The following GADL1 variants were observed in gnomAD, a reference collection of about 807,000 sequenced individuals.
The protein encoded by GADL1 is GAD like acidic amino acid decarboxylase 1.
In GADL1, 71 loss-of-function variants were observed where a neutral mutation model predicts 69.5. That is an observed-to-expected ratio of 1.02 (90% CI 0.84 to 1.25). GADL1 has a LOEUF of 1.25. Among genes scored for constraint, GADL1 ranks in the 50% most tolerant of loss-of-function variants. GADL1 has a pLI of 0.00. For synonymous variants in GADL1, 254 were observed against 214.4 expected (o/e 1.18, Z -1.62); for missense variants, 737 against 631.8 (o/e 1.17, Z -1.79).
At chr3:30,812,322 A>T (rs759721708) in intron 11 of GADL1, among the ~76,000 whole-genome samples, 1 of 152,248 alleles carries the variant, frequency 6.6e-6, no homozygotes, top group Non-Finnish European at 1.5e-5. Flanking sequence ...GTCTGTTTTC[A>T]TGCTGCTCAT....
chr3:30,755,714 A>AC (rs1375965016), intron 14 of GADL1, among the ~76,000 whole-genome samples: 2 of 148,014 alleles, frequency 1.4e-5, no homozygotes, highest in Non-Finnish European at 3.0e-5. Flanking sequence ...AGTGTCTGAC[A>AC]CATTGGAAAT....
chr3:30,789,872 C>CT (rs1334999967), intron 12 of GADL1, among the ~76,000 whole-genome samples: 8 of 152,156 alleles, frequency 5.3e-5, no homozygotes, highest in African/African-American at 1.7e-4. Flanking sequence ...TGGGCTTTGG[C>CT]TTAAGGCAAT....
At chr3:30,838,381 C>T (rs928770792) in intron 9 of GADL1, among the ~76,000 whole-genome samples, 1 of 152,110 alleles carries the variant, frequency 6.6e-6, no homozygotes, top group Non-Finnish European at 1.5e-5. Context: ...TGAATAACCG[C>T]AGGACTTACA....
In GADL1 at chr3:30,811,466, C is replaced by T. The variant is rs187999053; in HGVS notation, c.1051-10378G>A. On this transcript the variant is annotated intron_variant, in intron 11 of 14. Transcript: ENST00000282538. ...TCTCTTAGGACAGATGGAGATTTTT[C>T]GATTTTCCCTAGGCAACAATCCACA... 5.3e-5 allele frequency among the ~76,000 whole-genome samples: 8 copies of T among 152,160 alleles called. No individual in the cohort carries two copies. In the South Asian group the frequency reaches 6.2e-4, roughly 12 times the overall value.
rs1381096308 is a variant in GADL1 at position 30,762,867 on chromosome 3, C to CAAGGAAAAGAAAG, written c.1392+15311_1392+15312insCTTTCTTTTCCTT. On this transcript the variant is annotated intron_variant, in intron 14 of 14. Coordinates refer to ENST00000282538, the MANE Select transcript of GADL1 (RefSeq NM_207359.3). ...AGTCTTTCTTTTCCTTGCTTTATTTCACTTAACATTACAATCTCCAGTTCA... is the reference window on the plus strand; with the variant it reads ...AGTCTTTCTTTTCCTTGCTTTATTTCAAGGAAAAGAAAGACTTAACATTACAATCTCCAGTTCA... Among the ~76,000 whole-genome samples, 13 of 152,144 alleles carry CAAGGAAAAGAAAG rather than the reference C, an allele frequency of 8.5e-5. 1 individual carries two copies. Among genetic ancestry groups the CAAGGAAAAGAAAG allele is most frequent in the African/African-American group, 3.1e-4 (13 of 41,424 alleles).
intron 11 of GADL1, among the ~76,000 whole-genome samples, chr3:30,802,956 G>A (rs1697191252): frequency 6.6e-6 from 1 of 152,110 alleles, no homozygotes; most frequent in Admixed American, 6.5e-5. Context: ...AATTAGTTGG[G>A]CATGGTGGCA....
intron 3 of GADL1, among the ~76,000 whole-genome samples, chr3:30,856,806 C>T (rs1254943802): frequency 2.0e-5 from 3 of 152,014 alleles, no homozygotes; most frequent in African/African-American, 7.2e-5. Flanking sequence ...CAAACACTAA[C>T]ACCTACAGTT....
chr3:30,821,949 A>G (rs1048955936), intron 11 of GADL1, among the ~76,000 whole-genome samples: 1 of 152,030 alleles, frequency 6.6e-6, no homozygotes, highest in Non-Finnish European at 1.5e-5. Context: ...CCTCCAGTTT[A>G]TACACTAATG....
rs2125549788 is a variant in GADL1, at chr3:30,894,637, G to A, written c.-23C>T. On this transcript the variant is annotated 5_prime_UTR_variant, in exon 1 of 15. Coordinates refer to ENST00000282538, the MANE Select transcript of GADL1 (RefSeq NM_207359.3). ...CATCTCCGCTCCCCCACTCCAGGCT[G>A]CCCCGGGCGCGGCTCCCGCAGTCTG... 6.5e-7 allele frequency: 1 copy of A among 1,548,862 alleles called. No individual in the cohort carries two copies. The highest frequency in any genetic ancestry group is 2.5e-5 in the East Asian group (1 of 40,790).
intron 13 of GADL1, among the ~76,000 whole-genome samples, chr3:30,784,413 C>T (rs779030982): frequency 2.6e-5 from 4 of 152,004 alleles, no homozygotes; most frequent in Admixed American, 6.6e-5. Context: ...CAGAACTTCT[C>T]GCACTCTAAA....
At chr3:30,877,606 C>A (rs1472323946) in intron 1 of GADL1, among the ~76,000 whole-genome samples, 2 of 151,778 alleles carry the variant, frequency 1.3e-5, no homozygotes, top group Non-Finnish European at 2.9e-5. Flanking sequence ...TCTGAAAAAT[C>A]AGATACATCA....
At chr3:30,841,673 A>G (rs1422202650) in intron 8 of GADL1, among the ~76,000 whole-genome samples, 1 of 152,176 alleles carries the variant, frequency 6.6e-6, no homozygotes, top group Non-Finnish European at 1.5e-5. Flanking sequence ...AGAAGGAATT[A>G]GGACATCACT....
chr3:30,881,929 C>T (rs563120511), intron 1 of GADL1, among the ~76,000 whole-genome samples: 1 of 151,940 alleles, frequency 6.6e-6, no homozygotes, highest in Admixed American at 6.6e-5. Flanking sequence ...TACCTTCCAT[C>T]ATGGAATGAT....
chr3:30,790,958 A>G (rs1423704382), intron 12 of GADL1, among the ~76,000 whole-genome samples: 4 of 151,980 alleles, frequency 2.6e-5, no homozygotes, highest in Admixed American at 2.6e-4. Context: ...GATAAAAGTG[A>G]GGTTCTGAGA....
At chr3:30,839,159 A>T in intron 8 of GADL1, 46 bp from the exon 9 acceptor site, 3 of 1,271,204 alleles carry the variant, frequency 2.4e-6, no homozygotes, top group Non-Finnish European at 3.2e-6. Flanking sequence ...GTCATCACTA[A>T]ATTTGTCCTG....
At position 30,852,189 on chromosome 3, in the gene GADL1, T is replaced by C. The variant is rs1698158587; in HGVS notation, c.429-1248A>G. ...CTACTATTTATCACCTACATATGTG[T>C]CAACTCTACAGATGTTATGCCATCT... On this transcript the variant is annotated intron_variant, in intron 4 of 14. Coordinates refer to ENST00000282538, the MANE Select transcript of GADL1 (RefSeq NM_207359.3). 2.0e-5 allele frequency among the ~76,000 whole-genome samples: 3 copies of C among 152,292 alleles called. No homozygotes were observed. The South Asian group carries it at 6.2e-4, about 32-fold the overall frequency.
intron 9 of GADL1, among the ~76,000 whole-genome samples, chr3:30,838,106 T>C (rs1424759712): frequency 6.6e-6 from 1 of 152,140 alleles, no homozygotes; most frequent in Non-Finnish European, 1.5e-5. Flanking sequence ...CTGTTTCCTT[T>C]TGTTCAGCAA....
chr3:30,783,733 T>G (rs1696725612), intron 13 of GADL1, among the ~76,000 whole-genome samples: 1 of 152,186 alleles, frequency 6.6e-6, no homozygotes, highest in South Asian at 2.1e-4. Flanking sequence ...CCTGCACTGC[T>G]TGTGGGCCAG....
intron 14 of GADL1, among the ~76,000 whole-genome samples, chr3:30,751,154 C>G (rs1245009870): frequency 2.6e-5 from 4 of 152,098 alleles, no homozygotes; most frequent in African/African-American, 7.2e-5. Context: ...CCTGTGATAA[C>G]AAGACAGGAG....
Sources: allele counts gnomAD v4.1 joint callset (sites outside exome capture counted in the v4.1 genomes callset), GRCh38; gene constraint gnomAD v4.1.1; transcripts MANE v1.5; gene names NCBI Gene and HGNC (gene_info 2026-07-23, HGNC 2026-07-21).